The following RASSF3 variants were observed in gnomAD, a reference collection of about 807,000 sequenced individuals.
The protein encoded by RASSF3 is Ras association domain family member 3, also known as ras association domain-containing protein 3.
Under a neutral mutation model 19.9 loss-of-function variants are expected in RASSF3, and 19 were observed. The ratio of observed to expected loss-of-function variants is 0.96; its 90% CI spans 0.67 to 1.40. RASSF3 has a LOEUF of 1.40. Ranked by LOEUF, RASSF3 falls within the 40% of genes most tolerant of loss-of-function variation. The pLI is 0.00. For missense variants in RASSF3, 306 were observed against 289.8 expected (o/e 1.06, Z -0.41); for synonymous variants, 110 against 104.2 (o/e 1.06, Z -0.34).
Position 64,566,603 on chromosome 12 carries a change from G to A in RASSF3, c.294+24898G>A, listed in dbSNP as rs74098400. On this transcript the variant is annotated intron_variant, in intron 2 of 5. Transcript: ENST00000637125. ...AGGTGAAAAAGTAGAGGATAGAGAC[G>A]GTAATGAATAAATCCTAAAATGGCA... Among the ~76,000 whole-genome samples the A allele has an allele frequency of 4.5e-3, 688 of 152,136 alleles. 4 individuals are homozygous for A. The highest frequency in any genetic ancestry group is 0.016 in the African/African-American group (664 of 41,508).
In RASSF3 at chr12:64,694,852, C is replaced by G. The variant is rs1387996436; in HGVS notation, c.657C>G (p.Arg219=). ...EDEQLQNLKR[R]YTAYRQKLEE... is the part of the protein sequence containing the mutation. ...AACAGCTGCAGAACCTGAAGAGGCG[C>G]TACACAGCCTACAGGCAGAAGCTGG... The change falls in exon 5 of 5, where the codon CGC becomes CGG. Residue 219 remains arginine, a synonymous_variant. Transcript: ENST00000542104. The G allele has an allele frequency of 6.2e-7, 1 of 1,614,238 alleles. No homozygotes were observed. The highest frequency in any genetic ancestry group is 8.5e-7 in the Non-Finnish European group (1 of 1,180,036).
At chr12:64,528,619 T>C (rs1254978795), upstream of RASSF3, among the ~76,000 whole-genome samples, 2 of 152,190 alleles carry the variant, frequency 1.3e-5, no homozygotes, top group Non-Finnish European at 2.9e-5. Context: ...GAAAGAAACC[T>C]TATGTATTAA....
intron 1 of RASSF3, among the ~76,000 whole-genome samples, chr12:64,626,497 AAAAAAAAAG>A (rs1870998680): frequency 6.6e-6 from 1 of 151,508 alleles, no homozygotes. Flanking sequence ...TCAAAAAAAA[AAAAAAAAAG>A]AAAAAAAAAG....
chr12:64,535,030 G>C (rs1051702980), intron 1 of RASSF3, among the ~76,000 whole-genome samples: 6 of 151,706 alleles, frequency 4.0e-5, no homozygotes, highest in African/African-American at 1.5e-4. Context: ...GTCAATTTCA[G>C]CATGCTGTGT....
intron 2 of RASSF3, among the ~76,000 whole-genome samples, chr12:64,589,482 A>G (rs1011161083): frequency 1.3e-5 from 2 of 152,168 alleles, no homozygotes; most frequent in Non-Finnish European, 2.9e-5. Context: ...TGTCAGCATA[A>G]TCAAATAGTT....
chr12:64,520,223 C>A (rs1316407279), intron 1 of RASSF3, among the ~76,000 whole-genome samples: 1 of 146,216 alleles, frequency 6.8e-6, no homozygotes, highest in African/African-American at 2.6e-5. Context: ...GGCTGGAGTG[C>A]AGTGGTGCAA....
intron 1 of RASSF3, among the ~76,000 whole-genome samples, chr12:64,520,321 C>T (rs1415894749): frequency 6.6e-6 from 1 of 151,754 alleles, no homozygotes. Flanking sequence ...TGCCGCCATG[C>T]CCGGCTAATT....
chr12:64,573,347 G>C (rs1869549223), intron 2 of RASSF3, among the ~76,000 whole-genome samples: 1 of 152,142 alleles, frequency 6.6e-6, no homozygotes, highest in Non-Finnish European at 1.5e-5. Context: ...CATCTAAACA[G>C]CAGTTTAGGC....
At chr12:64,594,784 G>T (rs1869974065) in intron 2 of RASSF3, among the ~76,000 whole-genome samples, 1 of 152,000 alleles carries the variant, frequency 6.6e-6, no homozygotes, top group Non-Finnish European at 1.5e-5. Context: ...AGCTGGGGGT[G>T]GTACGGTGGT....
At chr12:64,563,356 G>A (rs1263656179) in intron 2 of RASSF3, among the ~76,000 whole-genome samples, 1 of 151,900 alleles carries the variant, frequency 6.6e-6, no homozygotes, top group East Asian at 1.9e-4. Context: ...TTTTAGTAGA[G>A]ATGGGGTTTC....
rs60504329 is a variant in RASSF3, at chr12:64,653,256, T to G, written c.112-31531T>G. ...TGCTAATTTTTTTATGTTTTAAAAT[T>G]TTTGTGGAGATGGGGATCTCACTGT... On this transcript the variant is annotated intron_variant, in intron 1 of 4. Coordinates refer to ENST00000542104, the MANE Select transcript of RASSF3 (RefSeq NM_178169.4). Among the ~76,000 whole-genome samples, 1,067 of 152,194 alleles carry G rather than the reference T, an allele frequency of 7.0e-3. 14 individuals are homozygous for G. The highest frequency in any genetic ancestry group is 0.025 in the African/African-American group (1,028 of 41,500).
upstream of RASSF3, among the ~76,000 whole-genome samples, chr12:64,606,827 C>A (rs1235798580): frequency 6.6e-6 from 1 of 152,058 alleles, no homozygotes; most frequent in Non-Finnish European, 1.5e-5. Context: ...AAAAACAAAA[C>A]AAAACTTGAA....
chr12:64,663,382 GAT>G (rs1872435767), intron 1 of RASSF3, among the ~76,000 whole-genome samples: 1 of 152,132 alleles, frequency 6.6e-6, no homozygotes, highest in South Asian at 2.1e-4. Flanking sequence ...CATGCTAATT[GAT>G]GGGGAAGACA....
chr12:64,674,909 TTCTC>T (rs1329215529), intron 1 of RASSF3, among the ~76,000 whole-genome samples: 3 of 152,206 alleles, frequency 2.0e-5, no homozygotes, highest in South Asian at 2.1e-4. Flanking sequence ...TGTGCACTCT[TTCTC>T]TCTTGCTCTC....
At chr12:64,545,896 C>A (rs1869044660), downstream of RASSF3, among the ~76,000 whole-genome samples, 1 of 151,916 alleles carries the variant, frequency 6.6e-6, no homozygotes, top group African/African-American at 2.4e-5. Flanking sequence ...AAGAGAGAGA[C>A]CATCCTGGCT....
intron 3 of RASSF3, among the ~76,000 whole-genome samples, chr12:64,689,081 G>T (rs1159287523): frequency 2.6e-5 from 4 of 152,158 alleles, no homozygotes; most frequent in Non-Finnish European, 4.4e-5. Flanking sequence ...TCCACATTCA[G>T]GGGATAGAAA....
At chr12:64,532,341 C>CA (rs1868729642), upstream of RASSF3, among the ~76,000 whole-genome samples, 1 of 151,672 alleles carries the variant, frequency 6.6e-6, no homozygotes, top group African/African-American at 2.4e-5. Context: ...TCTAACCTAT[C>CA]ATGTGAAGTG....
rs535773043 is a variant in RASSF3 at position 64,680,682 on chromosome 12, C to T, written c.112-4105C>T. ...AGGCTGGAGTGCAATGGCGTGATCT[C>T]GGCTTACTGCGATCTCCGCCTCCCG... On this transcript the variant is annotated intron_variant, in intron 1 of 4. Transcript: ENST00000542104. Among the ~76,000 whole-genome samples, 86 of 152,000 alleles carry T rather than the reference C, an allele frequency of 5.7e-4. No homozygotes were observed. The East Asian group carries it at 0.015, about 27-fold the overall frequency.
chr12:64,577,652 A>G (rs939644199), intron 2 of RASSF3, among the ~76,000 whole-genome samples: 10 of 152,156 alleles, frequency 6.6e-5, no homozygotes, highest in African/African-American at 2.4e-4. Flanking sequence ...GAATCTCTTG[A>G]ACCCAGGAGG....
Sources: allele counts gnomAD v4.1 joint callset (sites outside exome capture counted in the v4.1 genomes callset), GRCh38; gene constraint gnomAD v4.1.1; transcripts MANE v1.5; gene names NCBI Gene and HGNC (gene_info 2026-07-23, HGNC 2026-07-21).